KIF21A: variants seen among roughly 807,000 people sequenced by gnomAD.
KIF21A encodes kinesin-like protein KIF21A.
Under a neutral mutation model 202.9 loss-of-function variants are expected in KIF21A, and 114 were observed. That is an observed-to-expected ratio of 0.56 (90% CI 0.48 to 0.66). KIF21A has a LOEUF of 0.66. Ranked by LOEUF, KIF21A falls within the 30% of genes least tolerant of loss-of-function variation. KIF21A has a pLI of 0.00. For synonymous variants in KIF21A, 667 were observed against 670.8 expected (o/e 0.99, Z 0.09); for missense variants, 1,677 against 1,994.9 (o/e 0.84, Z 3.04).
intron 1 of KIF21A, among the ~76,000 whole-genome samples, chr12:39,406,128 A>T (rs1313809972): frequency 6.6e-6 from 1 of 152,110 alleles, no homozygotes; most frequent in Non-Finnish European, 1.5e-5. Context: ...AAAAAAAATT[A>T]TTCTATTCTC....
rs61937877 is a variant in KIF21A at position 39,402,842 on chromosome 12, A to C, written c.45-32581T>G. 2.3e-3 allele frequency among the ~76,000 whole-genome samples: 349 copies of C among 152,294 alleles called. 2 individuals carry two copies. The highest frequency in any genetic ancestry group is 5.6e-3 in the South Asian group (27 of 4,822). On this transcript the variant is annotated intron_variant, in intron 1 of 37. Coordinates refer to ENST00000361418, the MANE Select transcript of KIF21A (RefSeq NM_001173464.2). Reference sequence around the variant, plus strand: ...CTTCTTCTTCCAATGTGACCCAGGGAAGCCAAAAGACTGGACACCCTTGCA... The same window carrying C: ...CTTCTTCTTCCAATGTGACCCAGGGCAGCCAAAAGACTGGACACCCTTGCA...
intron 1 of KIF21A, among the ~76,000 whole-genome samples, chr12:39,372,859 C>A (rs192923437): frequency 2.0e-5 from 3 of 152,130 alleles, no homozygotes; most frequent in African/African-American, 7.2e-5. Context: ...ATTGTTGCCA[C>A]GCCAGAAATA....
intron 1 of KIF21A, among the ~76,000 whole-genome samples, chr12:39,436,422 T>TTTTATATATAGATATATATA (rs1424497663): frequency 1.0e-5 from 1 of 99,116 alleles, no homozygotes; most frequent in African/African-American, 4.5e-5. Flanking sequence ...GTTTACTATA[T>TTTTATATATAGATATATATA]TATATATATA....
chr12:39,370,148 T>C lies in KIF21A; in HGVS notation c.158A>G (p.Tyr53Cys). The change falls in exon 2 of 38, where the codon TAT becomes TGT. Residue 53 changes from tyrosine (Y) to cysteine (C), a missense_variant. Transcript: ENST00000361418. ...LGKDKAFTFD[Y>C]VFDIDSQQEQ... Reference sequence around the variant, plus strand: ...TTGCTGGGAGTCAATGTCAAATACATAGTCAAAAGTAAAAGCCTTATCTTT... The same window carrying C: ...TTGCTGGGAGTCAATGTCAAATACACAGTCAAAAGTAAAAGCCTTATCTTT... The C allele has an allele frequency of 6.2e-7, 1 of 1,613,366 alleles. No individual in the cohort carries two copies. The highest frequency in any genetic ancestry group is 8.5e-7 in the Non-Finnish European group (1 of 1,179,398).
intron 1 of KIF21A, among the ~76,000 whole-genome samples, chr12:39,419,640 A>G (rs1954075270): frequency 6.6e-6 from 1 of 152,208 alleles, no homozygotes; most frequent in Admixed American, 6.5e-5. Flanking sequence ...AGGTAGCCAA[A>G]CTGGCCCTTC....
At chr12:39,381,002 T>C (rs1003467734) in intron 1 of KIF21A, among the ~76,000 whole-genome samples, 65 of 152,218 alleles carry the variant, frequency 4.3e-4, no homozygotes, top group African/African-American at 1.1e-3. Context: ...TAATAGTATA[T>C]GTTTTATTAA....
At chr12:39,340,809 T>G (rs1947376704) in intron 15 of KIF21A, 97 bp downstream of exon 15, 17 of 857,096 alleles carry the variant, frequency 2.0e-5, no homozygotes, top group Non-Finnish European at 3.1e-5. Context: ...AAAAAGGGTT[T>G]AATACGGCTT....
chr12:39,437,188 T>C (rs527306722), intron 1 of KIF21A, among the ~76,000 whole-genome samples: 1 of 152,334 alleles, frequency 6.6e-6, no homozygotes, highest in South Asian at 2.1e-4. Flanking sequence ...TCTGCTTTCA[T>C]GGTTTCACTA....
At chr12:39,339,755 G>A (rs1947293846) in intron 16 of KIF21A, among the ~76,000 whole-genome samples, 1 of 151,772 alleles carries the variant, frequency 6.6e-6, no homozygotes, top group African/African-American at 2.4e-5. Context: ...AGCTATTGGA[G>A]AATGGGGAAT....
At chr12:39,343,806 T>G (rs575263770) in intron 12 of KIF21A, among the ~76,000 whole-genome samples, 1 of 152,322 alleles carries the variant, frequency 6.6e-6, no homozygotes, top group East Asian at 1.9e-4. Flanking sequence ...CCGCATTACA[T>G]CCCTAGTACC....
chr12:39,363,185 A>G lies in KIF21A; in HGVS notation c.932T>C (p.Leu311Ser). ...LLALGNVISA[L>S]GDKSKRATHV... Reference sequence around the variant, plus strand: ...TGTGGCCCTCTTGCTCTTGTCTCCCAAGGCACTTATTACATTGCCAAGTGC... The same window carrying G: ...TGTGGCCCTCTTGCTCTTGTCTCCCGAGGCACTTATTACATTGCCAAGTGC... Residue 311 changes from leucine (L) to serine (S), a missense_variant, in exon 7 of 38, where the codon TTG (leucine) becomes TCG (serine). Physicochemically the swap from Leu to Ser is moderately radical, Grantham distance 145 (BLOSUM62 -2). Coordinates refer to ENST00000361418, the MANE Select transcript of KIF21A (RefSeq NM_001173464.2). 6.2e-7 allele frequency: 1 copy of G among 1,612,870 alleles called. No homozygotes were observed. Among genetic ancestry groups the G allele is most frequent in the Non-Finnish European group, 8.5e-7 (1 of 1,179,160 alleles).
intron 12 of KIF21A, among the ~76,000 whole-genome samples, chr12:39,343,503 T>G (rs1326303741): frequency 6.6e-6 from 1 of 152,058 alleles, no homozygotes; most frequent in Non-Finnish European, 1.5e-5. Flanking sequence ...AGCTATCATG[T>G]TTTCATATAT....
chr12:39,441,563 A>T (rs1358177840), intron 1 of KIF21A, among the ~76,000 whole-genome samples: 1 of 151,256 alleles, frequency 6.6e-6, no homozygotes, highest in Non-Finnish European at 1.5e-5. Context: ...CAATTGGATA[A>T]GTAGCCCTAG....
At chr12:39,312,856 G>A (rs938935586) in intron 31 of KIF21A, 4 of 151,868 alleles carry the variant, frequency 2.6e-5, no homozygotes, top group African/African-American at 9.7e-5. Flanking sequence ...GGAGGCTAAA[G>A]ATGATAATGA....
intron 1 of KIF21A, among the ~76,000 whole-genome samples, chr12:39,435,648 C>T (rs753366446): frequency 2.6e-5 from 4 of 151,998 alleles, no homozygotes. Flanking sequence ...CCAAAAAATA[C>T]GCCTCACTCC....
In KIF21A at chr12:39,318,908, G is replaced by C. The variant is rs61039034; in HGVS notation, c.3780-707C>G. Among the ~76,000 whole-genome samples, 17 of 152,008 alleles carry C rather than the reference G, an allele frequency of 1.1e-4. No homozygotes were observed. The South Asian group carries it at 1.2e-3, about 11-fold the overall frequency. Reference sequence around the variant, plus strand: ...AGGCAGGAGAATGGTGTGAACCCGGGAGGCGGAGTTTGCAGTGAGCCGAGA... The same window carrying C: ...AGGCAGGAGAATGGTGTGAACCCGGCAGGCGGAGTTTGCAGTGAGCCGAGA... On this transcript the variant is annotated intron_variant, in intron 28 of 37. Coordinates refer to ENST00000361418, the MANE Select transcript of KIF21A (RefSeq NM_001173464.2).
chr12:39,306,896 G>A (rs554656183), intron 34 of KIF21A, among the ~76,000 whole-genome samples: 7 of 152,116 alleles, frequency 4.6e-5, no homozygotes, highest in African/African-American at 1.7e-4. Context: ...TGACATATTT[G>A]GGTTGAATAA....
intron 1 of KIF21A, among the ~76,000 whole-genome samples, chr12:39,431,251 G>A (rs1187028450): frequency 6.6e-6 from 1 of 152,198 alleles, no homozygotes; most frequent in Non-Finnish European, 1.5e-5. Context: ...TGCCAGTTCT[G>A]TGCAGCCCAC....
intron 1 of KIF21A, among the ~76,000 whole-genome samples, chr12:39,391,818 C>T (rs1951375884): frequency 6.6e-6 from 1 of 152,230 alleles, no homozygotes; most frequent in South Asian, 2.1e-4. Context: ...CGGCTCACTG[C>T]AACCTCTGCC....
Sources: gnomAD v4.1 joint callset for allele counts (sites outside exome capture counted in the v4.1 genomes callset) on GRCh38, gnomAD v4.1.1 for gene constraint, MANE v1.5 for transcripts, NCBI Gene and HGNC (gene_info 2026-07-23, HGNC 2026-07-21) for gene names.